PLCL1: variants seen among roughly 807,000 people sequenced by gnomAD.
PLCL1 encodes inactive phospholipase C-like protein 1.
Under a neutral mutation model 84.4 loss-of-function variants are expected in PLCL1, and 41 were observed. The observed-to-expected ratio is 0.49, with a 90% CI of 0.38 to 0.63. PLCL1 has a LOEUF of 0.63. Ranked by LOEUF, PLCL1 falls within the 30% of genes least tolerant of loss-of-function variation. The pLI is 0.00. For synonymous variants in PLCL1, 490 were observed against 488.3 expected (o/e 1.00, Z -0.05); for missense variants, 1,206 against 1,367.8 (o/e 0.88, Z 1.87).
chr2:198,024,996 T>C (rs949282219), intron 1 of PLCL1, among the ~76,000 whole-genome samples: 2 of 152,162 alleles, frequency 1.3e-5, no homozygotes, highest in Non-Finnish European at 2.9e-5. Context: ...AATGTATGGT[T>C]GAAATTTGAT....
Position 198,044,628 on chromosome 2 carries a change from AT to A in PLCL1, c.241-39127del, listed in dbSNP as rs1691744287. The stretch of plus-strand genomic sequence containing the variant: ...AAATAATCATTGCAAATTATGATTA[AT>A]TTAGTAAGACTTTAAACTGTTGTTT... On this transcript the variant is annotated intron_variant, in intron 1 of 5. Coordinates refer to ENST00000428675, the MANE Select transcript of PLCL1 (RefSeq NM_006226.4). 2.0e-5 allele frequency among the ~76,000 whole-genome samples: 3 copies of A among 152,372 alleles called. No homozygotes were observed. The South Asian group carries it at 6.2e-4, about 32-fold the overall frequency.
intron 1 of PLCL1, among the ~76,000 whole-genome samples, chr2:198,037,381 C>A (rs930191291): frequency 6.6e-6 from 1 of 152,132 alleles, no homozygotes; most frequent in African/African-American, 2.4e-5. Context: ...ATTAAAAATG[C>A]ATGTTAGCTA....
Position 197,818,859 on chromosome 2 carries a change from TC to T in PLCL1, c.240+13522del, listed in dbSNP as rs544594565. 6.1e-4 allele frequency among the ~76,000 whole-genome samples: 93 copies of T among 152,150 alleles called. 1 individual carries two copies. The highest frequency in any genetic ancestry group is 2.2e-3 in the African/African-American group (93 of 41,516). On this transcript the variant is annotated intron_variant, in intron 1 of 5. Coordinates refer to ENST00000428675, the MANE Select transcript of PLCL1 (RefSeq NM_006226.4). ...GAGAAAGAGGACACTGTAGAAGACA[TC>T]CAGTCCTCTTGCTGCTGCCCCACCC...
chr2:198,043,881 C>CTTTTTTTTTTTT (rs397800019), intron 1 of PLCL1, among the ~76,000 whole-genome samples: 1 of 124,860 alleles, frequency 8.0e-6, no homozygotes, highest in Admixed American at 8.2e-5. Context: ...AATTCTTGTT[C>CTTTTTTTTTTTT]TTTTTTTTTT....
At chr2:198,069,034 C>CAAATA (rs903453658) in intron 1 of PLCL1, among the ~76,000 whole-genome samples, 7 of 147,926 alleles carry the variant, frequency 4.7e-5, no homozygotes, top group South Asian at 4.3e-4. Context: ...GACTCTGTCT[C>CAAATA]AAATAAAATA....
chr2:197,906,939 C>G (rs889879350), intron 1 of PLCL1, among the ~76,000 whole-genome samples: 1 of 152,138 alleles, frequency 6.6e-6, no homozygotes, highest in African/African-American at 2.4e-5. Context: ...GCTGAAGTTG[C>G]TTATCAGCTG....
chr2:197,923,872 A>G (rs1235336544), intron 1 of PLCL1, among the ~76,000 whole-genome samples: 2 of 151,116 alleles, frequency 1.3e-5, no homozygotes, highest in Non-Finnish European at 3.0e-5. Flanking sequence ...GGCACCATTG[A>G]GCACTGAGTG....
chr2:198,109,163 T>C (rs902337384), intron 5 of PLCL1, among the ~76,000 whole-genome samples: 1 of 151,842 alleles, frequency 6.6e-6, no homozygotes, highest in Non-Finnish European at 1.5e-5. Flanking sequence ...AAATCCAAGA[T>C]CAAGGCAGGA....
At chr2:197,991,468 G>T (rs555031250) in intron 1 of PLCL1, among the ~76,000 whole-genome samples, 1 of 151,952 alleles carries the variant, frequency 6.6e-6, no homozygotes, top group African/African-American at 2.4e-5. Flanking sequence ...GGTTCTGTTT[G>T]TTTGGACAAC....
chr2:197,970,026 C>G (rs1689828365), intron 1 of PLCL1, among the ~76,000 whole-genome samples: 1 of 152,196 alleles, frequency 6.6e-6, no homozygotes, highest in Non-Finnish European at 1.5e-5. Flanking sequence ...AATATGATAG[C>G]CACCAGCTAT....
At chr2:197,860,491 C>T (rs1355756426) in intron 1 of PLCL1, among the ~76,000 whole-genome samples, 2 of 152,164 alleles carry the variant, frequency 1.3e-5, no homozygotes, top group African/African-American at 4.8e-5. Flanking sequence ...TATACTCCCT[C>T]CGGTAGTGTA....
intron 1 of PLCL1, among the ~76,000 whole-genome samples, chr2:197,825,018 T>C (rs935700357): frequency 1.3e-5 from 2 of 152,086 alleles, no homozygotes; most frequent in African/African-American, 2.4e-5. Context: ...TTTCTGCAGG[T>C]TTTTTGACCA....
At chr2:198,021,374 A>C (rs61338687) in intron 1 of PLCL1, among the ~76,000 whole-genome samples, 3,642 of 152,282 alleles carry the variant, frequency 0.024, 168 homozygotes, top group African/African-American at 0.083. Flanking sequence ...AAAAGCTAGC[A>C]GAAGACAAGA....
intron 1 of PLCL1, among the ~76,000 whole-genome samples, chr2:197,947,097 A>G (rs948254017): frequency 4.6e-5 from 7 of 152,084 alleles, no homozygotes; most frequent in African/African-American, 1.7e-4. Flanking sequence ...TTGGGCAAAT[A>G]GGGGTGAACA....
At position 197,811,778 on chromosome 2, in the gene PLCL1, T is replaced by C. The variant is rs565223713; in HGVS notation, c.240+6439T>C. Among the ~76,000 whole-genome samples the C allele has an allele frequency of 1.1e-4, 17 of 152,322 alleles. No individual in the cohort carries two copies. In the South Asian group the frequency reaches 3.5e-3, roughly 32 times the overall value. On this transcript the variant is annotated intron_variant, in intron 1 of 5. Transcript: ENST00000428675. ...CTTTATTAATTCTTATGCTGACCTT[T>C]TTCAAGAGCCTTTAATTTTTAACAT...
In PLCL1 at chr2:197,805,723, A is replaced by C. The variant is rs1261793913; in HGVS notation, c.240+384A>C. ...ATGAAGGGTTAGCTTTTCCCATACA[A>C]TGAAGAAAATGCACAGCTTACTCTC... On this transcript the variant is annotated intron_variant, in intron 1 of 5. Coordinates refer to ENST00000428675, the MANE Select transcript of PLCL1 (RefSeq NM_006226.4). The surrounding 1 kb of genome is among the most constrained non-coding windows in gnomAD (Gnocchi z 4.0). Among the ~76,000 whole-genome samples the C allele has an allele frequency of 6.6e-6, 1 of 152,200 alleles. No homozygotes were observed. The highest frequency in any genetic ancestry group is 1.5e-5 in the Non-Finnish European group (1 of 68,032).
At chr2:197,826,143 G>A (rs1023593580) in intron 1 of PLCL1, among the ~76,000 whole-genome samples, 2 of 152,120 alleles carry the variant, frequency 1.3e-5, no homozygotes, top group East Asian at 1.9e-4. Context: ...ATCGGCTGCC[G>A]CTATCTCTTA....
chr2:197,947,623 A>C (rs1356518334), intron 1 of PLCL1, among the ~76,000 whole-genome samples: 1 of 152,180 alleles, frequency 6.6e-6, no homozygotes, highest in Non-Finnish European at 1.5e-5. Flanking sequence ...GAAGAAAGCA[A>C]AAAGGCTCTG....
At chr2:197,964,870 G>A (rs1689697123) in intron 1 of PLCL1, among the ~76,000 whole-genome samples, 1 of 151,966 alleles carries the variant, frequency 6.6e-6, no homozygotes. Context: ...TTATTCTATT[G>A]ATATATCACA....
Sources: allele counts gnomAD v4.1 joint callset (sites outside exome capture counted in the v4.1 genomes callset), GRCh38; gene constraint gnomAD v4.1.1; non-coding constraint Gnocchi (gnomAD v3.1); transcripts MANE v1.5; gene names NCBI Gene and HGNC (gene_info 2026-07-23, HGNC 2026-07-21).